The following LRRC2 variants were observed in gnomAD, a reference collection of about 807,000 sequenced individuals.
The protein encoded by LRRC2 is leucine rich repeat containing 2.
A neutral mutation model predicts 40.2 loss-of-function variants in LRRC2; 27 were observed. The ratio of observed to expected loss-of-function variants is 0.67; its 90% CI spans 0.49 to 0.93. LRRC2 has a LOEUF of 0.93. Among genes scored for constraint, LRRC2 ranks in the 40% least tolerant of loss-of-function variants. The probability of loss-of-function intolerance (pLI) is 0.00; values close to 1 mark genes in which losing one functional copy is unlikely to be tolerated. For synonymous variants in LRRC2, 147 were observed against 158.9 expected (o/e 0.92, Z 0.56); for missense variants, 402 against 439.6 (o/e 0.91, Z 0.76).
Position 46,551,621 on chromosome 3 carries a change from A to AT in LRRC2, c.-19-12_-19-11insA, listed in dbSNP as rs769237689. The AT allele has an allele frequency of 1.5e-4, 245 of 1,593,194 alleles. 1 individual carries two copies. Among genetic ancestry groups the AT allele is most frequent in the Non-Finnish European group, 2.0e-4 (233 of 1,170,782 alleles). On this transcript the variant is annotated splice_polypyrimidine_tract_variant and intron_variant, in intron 1 of 8. Transcript: ENST00000395905. ...GGAGCATGAAATTACCTATTTAAAA[A>AT]ATATATAGATATGTCAGCTTGATAC...
At chr3:46,543,482 G>T (rs1704442989) in intron 3 of LRRC2, among the ~76,000 whole-genome samples, 2 of 152,042 alleles carry the variant, frequency 1.3e-5, no homozygotes, top group African/African-American at 4.8e-5. Context: ...CGGGTATGGT[G>T]GCGGGTGCCT....
At chr3:46,533,791 CTTTCTTTG>C (rs1704209088) in intron 4 of LRRC2, among the ~76,000 whole-genome samples, 1 of 135,574 alleles carries the variant, frequency 7.4e-6, no homozygotes, top group African/African-American at 2.7e-5. Flanking sequence ...TTCTTTCTTT[CTTTCTTTG>C]TTTCTTTCTT....
chr3:46,523,818 TCCACCCATCTAC>T (rs1704008324), intron 7 of LRRC2, among the ~76,000 whole-genome samples: 1 of 152,094 alleles, frequency 6.6e-6, no homozygotes, highest in Non-Finnish European at 1.5e-5. Flanking sequence ...CACCCATCTA[TCCACCCATCTAC>T]CCACCCATCT....
chr3:46,556,283 C>T (rs1443177712), intron 1 of LRRC2, among the ~76,000 whole-genome samples: 4 of 151,910 alleles, frequency 2.6e-5, no homozygotes, highest in African/African-American at 9.7e-5. Context: ...CCATATCTGG[C>T]TAATTTTTTT....
At chr3:46,561,356 T>C (rs1704937087) in intron 1 of LRRC2, among the ~76,000 whole-genome samples, 1 of 151,990 alleles carries the variant, frequency 6.6e-6, no homozygotes, top group African/African-American at 2.4e-5. Flanking sequence ...CTGGGCAACA[T>C]GGCAAAACCC....
Position 46,521,510 on chromosome 3 carries a change from T to G in LRRC2, c.1066+12A>C, listed in dbSNP as rs1384623339. ...CACTAATTTTAAATAATTTTAAATA[T>G]GAGTAACCCACCTCTTTCTTTAAGG... is the stretch of plus-strand genomic sequence containing the variant. On this transcript the variant is annotated intron_variant, in intron 8 of 8. Coordinates refer to ENST00000395905, the MANE Select transcript of LRRC2 (RefSeq NM_024512.5). 3 of 1,564,824 alleles carry G rather than the reference T, an allele frequency of 1.9e-6. No individual in the cohort carries two copies. The highest frequency in any genetic ancestry group is 1.4e-5 in the African/African-American group (1 of 73,294).
intron 5 of LRRC2, among the ~76,000 whole-genome samples, chr3:46,531,115 A>T (rs1428711554): frequency 1.3e-5 from 2 of 151,944 alleles, no homozygotes; most frequent in African/African-American, 4.8e-5. Flanking sequence ...TGATGGAATT[A>T]AAAGGACAAA....
At chr3:46,550,347 A>C (rs904434309) in intron 2 of LRRC2, among the ~76,000 whole-genome samples, 3 of 151,660 alleles carry the variant, frequency 2.0e-5, no homozygotes, top group African/African-American at 7.3e-5. Flanking sequence ...TGGAGAACCA[A>C]GAATGTAGAC....
At chr3:46,519,112 G>T (rs1703920310) in intron 8 of LRRC2, 49 bp from the exon 9 acceptor site, 1 of 1,268,974 alleles carries the variant, frequency 7.9e-7, no homozygotes. Flanking sequence ...ATTTTATTAT[G>T]AAATCTAGCT....
At chr3:46,521,688 T>TA (rs1231014418) in intron 7 of LRRC2, 30 bp from the exon 8 acceptor site, 2 of 1,584,322 alleles carry the variant, frequency 1.3e-6, no homozygotes, top group Non-Finnish European at 8.6e-7. Context: ...AAGTATCACA[T>TA]TATCACCTGT....
intron 7 of LRRC2, among the ~76,000 whole-genome samples, chr3:46,522,400 TAAATAAATAAATAAATAAAC>T (rs778804727): frequency 1.3e-3 from 195 of 147,466 alleles, no homozygotes; most frequent in Non-Finnish European, 1.9e-3. Context: ...AATAAATAAA[TAAATAAATAAATAAATAAAC>T]AAACGATAGG....
rs529903586 is a variant in LRRC2 at position 46,532,060 on chromosome 3, A to T, written c.627+713T>A. Reference sequence around the variant, plus strand: ...ATTTTTAAATTAGTGGATTTCTTAAATCCTATCTGTAGGACTACTTTAATC... The same window carrying T: ...ATTTTTAAATTAGTGGATTTCTTAATTCCTATCTGTAGGACTACTTTAATC... On this transcript the variant is annotated intron_variant, in intron 5 of 8. Transcript: ENST00000395905. Among the ~76,000 whole-genome samples the T allele has an allele frequency of 7.2e-5, 11 of 152,304 alleles. No homozygotes were observed. In the East Asian group the frequency reaches 1.9e-3, roughly 27 times the overall value.
intron 7 of LRRC2, among the ~76,000 whole-genome samples, chr3:46,524,682 A>G (rs111974793): frequency 0.011 from 1,707 of 152,338 alleles, 34 homozygotes; most frequent in African/African-American, 0.038. Flanking sequence ...GGATAAGTGT[A>G]TAAGTGTTAA....
chr3:46,551,646 C>A, intron 1 of LRRC2, 36 bp from the exon 2 acceptor site: 1 of 1,492,080 alleles, frequency 6.7e-7, no homozygotes, highest in Admixed American at 2.0e-5. Context: ...CAGCTTGATA[C>A]ACAAACAGAA....
intron 7 of LRRC2, 68 bp downstream of exon 7, chr3:46,527,358 C>G (rs1704077909): frequency 2.6e-6 from 4 of 1,542,944 alleles, no homozygotes; most frequent in Non-Finnish European, 3.6e-6. Context: ...GACAGCTGCC[C>G]AGGCTCTGGT....
rs1703964618 is a variant in LRRC2, at chr3:46,521,549, C to A, written c.1039G>T (p.Ala347Ser). The A allele has an allele frequency of 1.2e-6, 2 of 1,611,380 alleles. No individual in the cohort carries two copies. Among genetic ancestry groups the A allele is most frequent in the Middle Eastern group, 1.7e-4 (1 of 6,050 alleles). Reference sequence around the variant, plus strand: ...CTTTCTTTAAGGTCTTCAATATAGGCTTTCATAACTTCTTTATCAAAATGT... The same window carrying A: ...CTTTCTTTAAGGTCTTCAATATAGGATTTCATAACTTCTTTATCAAAATGT... ...RQHFDKEVMK[A>S]YIEDLKERES... Residue 347 changes from alanine to serine, a missense_variant, in exon 8 of 9, where the codon GCC (alanine) becomes TCC (serine). Transcript: ENST00000395905.
At chr3:46,549,706 ACAGTCTGCAGACCC>A (rs1704601464) in intron 2 of LRRC2, among the ~76,000 whole-genome samples, 1 of 152,226 alleles carries the variant, frequency 6.6e-6, no homozygotes, top group African/African-American at 2.4e-5. Flanking sequence ...ATGAGAGAGC[ACAGTCTGCAGACCC>A]CAGGTGTCTG....
At chr3:46,522,709 C>A (rs1458264987) in intron 7 of LRRC2, among the ~76,000 whole-genome samples, 1 of 149,800 alleles carries the variant, frequency 6.7e-6, no homozygotes, top group Non-Finnish European at 1.5e-5. Flanking sequence ...TGAGAGAGAT[C>A]CCATCTCTGA....
In LRRC2 at chr3:46,534,509, G is replaced by A. The variant is rs528949664; in HGVS notation, c.491-1600C>T. On this transcript the variant is annotated intron_variant, in intron 4 of 8. Coordinates refer to ENST00000395905, the MANE Select transcript of LRRC2 (RefSeq NM_024512.5). The stretch of plus-strand genomic sequence containing the variant: ...CTTTCTAGCAGCCGCACCCTTCTAG[G>A]AACAAAGTACAGTTTCTACTAAATG... 1.6e-4 allele frequency among the ~76,000 whole-genome samples: 24 copies of A among 146,074 alleles called. No homozygotes were observed. The South Asian group carries it at 4.9e-3, about 30-fold the overall frequency.
Sources: allele counts gnomAD v4.1 joint callset (sites outside exome capture counted in the v4.1 genomes callset), GRCh38; gene constraint gnomAD v4.1.1; transcripts MANE v1.5; gene names NCBI Gene and HGNC (gene_info 2026-07-23, HGNC 2026-07-21).